The following ZNF831 variants were observed in gnomAD, a reference collection of about 807,000 sequenced individuals.
ZNF831 encodes zinc finger protein 831.
ZNF831 carries 59 observed loss-of-function variants against 95.8 expected under a neutral mutation model. The ratio of observed to expected loss-of-function variants is 0.62; its 90% CI spans 0.50 to 0.77. The LOEUF is 0.77. ZNF831 is among the 30% of genes least tolerant of loss of function. The pLI is 0.00. For synonymous variants in ZNF831, 961 were observed against 925.5 expected (o/e 1.04, Z -0.70); for missense variants, 2,205 against 2,164.0 (o/e 1.02, Z -0.38).
At chr20:59,248,659 G>T (rs962973227) in intron 4 of ZNF831, among the ~76,000 whole-genome samples, 1 of 152,202 alleles carries the variant, frequency 6.6e-6, no homozygotes, top group African/African-American at 2.4e-5. Flanking sequence ...TGAATTGAAT[G>T]AATTGCATGG....
In ZNF831 at chr20:59,208,333, G is replaced by A. The variant is rs938343565; in HGVS notation, c.4027+1277G>A. Among the ~76,000 whole-genome samples the A allele has an allele frequency of 3.3e-5, 5 of 152,030 alleles. No individual in the cohort carries two copies. Among genetic ancestry groups the A allele is most frequent in the African/African-American group, 1.2e-4 (5 of 41,392 alleles). ...CATGGAGGGCATCTCAGGGCTAAAT[G>A]CTGGTCTGTACCACCAGGACAAGAG... On this transcript the variant is annotated intron_variant, in intron 4 of 5. Coordinates refer to ENST00000371030, the MANE Select transcript of ZNF831 (RefSeq NM_178457.3). The surrounding 1 kb of genome is among the most constrained non-coding windows in gnomAD (Gnocchi z 4.2).
In ZNF831 at chr20:59,245,705, T is replaced by C. The variant is rs180738251; in HGVS notation, c.4028-7273T>C. On this transcript the variant is annotated intron_variant, in intron 4 of 5. Transcript: ENST00000371030. The stretch of plus-strand genomic sequence containing the variant: ...TTCCTCAGTCAATTTTGAAATAAAC[T>C]TTTCAAAGACTGTTCCTGGGCAGTT... Among the ~76,000 whole-genome samples, 56 of 152,338 alleles carry C rather than the reference T, an allele frequency of 3.7e-4. 1 individual carries two copies. The highest frequency in any genetic ancestry group is 1.3e-3 in the African/African-American group (54 of 41,576).
chr20:59,210,549 A>G (rs1444582294), intron 4 of ZNF831, among the ~76,000 whole-genome samples: 1 of 152,174 alleles, frequency 6.6e-6, no homozygotes, highest in African/African-American at 2.4e-5. Context: ...GTTCCATGGA[A>G]GTTGGCACCC....
chr20:59,251,801 A>G, intron 4 of ZNF831, among the ~76,000 whole-genome samples: 1 of 152,234 alleles, frequency 6.6e-6, no homozygotes, highest in East Asian at 1.9e-4. Flanking sequence ...AAAATTTTTA[A>G]AAAGCAAAAT....
intron 3 of ZNF831, among the ~76,000 whole-genome samples, chr20:59,204,417 C>T (rs1348860135): frequency 6.6e-6 from 1 of 152,208 alleles, no homozygotes; most frequent in Non-Finnish European, 1.5e-5. Context: ...CCACATGTGG[C>T]TGAGACTCTT....
chr20:59,188,967 A>G (rs1016277315), intron 1 of ZNF831, among the ~76,000 whole-genome samples: 1 of 152,174 alleles, frequency 6.6e-6, no homozygotes, highest in Non-Finnish European at 1.5e-5. Flanking sequence ...GATCACCCGA[A>G]GTCAGGAGTT....
intron 2 of ZNF831, among the ~76,000 whole-genome samples, chr20:59,158,051 A>G (rs770998782): frequency 1.3e-5 from 2 of 152,224 alleles, no homozygotes; most frequent in African/African-American, 2.4e-5. Flanking sequence ...TTCTCACTCT[A>G]TGATTAAAAG....
rs35330790 is a variant in ZNF831, at chr20:59,139,727, CTG to C, written c.-1424-6502_-1424-6501del. Among the ~76,000 whole-genome samples, 1,356 of 152,262 alleles carry C rather than the reference CTG, an allele frequency of 8.9e-3. 17 individuals carry two copies. Among genetic ancestry groups the C allele is most frequent in the African/African-American group, 0.031 (1,277 of 41,522 alleles). ...TGAAGTCAGAACCGAAGCAGAAAAA[CTG>C]TATATAATTTTAAAGAGTCCTCAAA... On this transcript the variant is annotated intron_variant, in intron 1 of 7. Coordinates refer to the ZNF831 transcript ENST00000637017.
intron 2 of ZNF831, among the ~76,000 whole-genome samples, chr20:59,155,782 G>T (rs1980503487): frequency 6.6e-6 from 1 of 152,192 alleles, no homozygotes; most frequent in Non-Finnish European, 1.5e-5. Flanking sequence ...GGAATGGTAA[G>T]AGATGGGTTG....
intron 2 of ZNF831, among the ~76,000 whole-genome samples, chr20:59,149,935 C>G (rs1192736197): frequency 6.6e-6 from 1 of 152,236 alleles, no homozygotes; most frequent in Non-Finnish European, 1.5e-5. Context: ...GGCTGGACCC[C>G]CATCCAACGC....
intron 4 of ZNF831, among the ~76,000 whole-genome samples, chr20:59,242,967 A>G (rs1240549372): frequency 6.6e-6 from 1 of 152,210 alleles, no homozygotes; most frequent in African/African-American, 2.4e-5. Flanking sequence ...TTACCACAAT[A>G]CCAATCATTG....
chr20:59,203,838 G>A (rs1237209485), intron 3 of ZNF831, among the ~76,000 whole-genome samples: 3 of 152,158 alleles, frequency 2.0e-5, no homozygotes, highest in African/African-American at 7.2e-5. Context: ...ATGGAAAAAC[G>A]CAGAAAATTC....
At chr20:59,140,279 C>T (rs1178396226) in intron 1 of ZNF831, among the ~76,000 whole-genome samples, 2 of 152,172 alleles carry the variant, frequency 1.3e-5, no homozygotes, top group African/African-American at 4.8e-5. Flanking sequence ...CTCATTTGGA[C>T]TCAGAGGCTA....
intron 1 of ZNF831, among the ~76,000 whole-genome samples, chr20:59,171,019 A>T (rs1254779241): frequency 6.6e-6 from 1 of 152,190 alleles, no homozygotes; most frequent in Non-Finnish European, 1.5e-5. Context: ...GAAGGAGCAG[A>T]TCCATGTGAA....
intron 1 of ZNF831, among the ~76,000 whole-genome samples, chr20:59,126,885 G>A (rs1356271491): frequency 6.6e-6 from 1 of 152,180 alleles, no homozygotes; most frequent in Non-Finnish European, 1.5e-5. Context: ...TTGGGCTGCA[G>A]GACCCGTTCC....
chr20:59,171,337 G>A (rs532512659), intron 1 of ZNF831, among the ~76,000 whole-genome samples: 1 of 152,362 alleles, frequency 6.6e-6, no homozygotes, highest in South Asian at 2.1e-4. Flanking sequence ...TTATCATACA[G>A]CATGTATTGA....
In ZNF831 at chr20:59,193,655, C is replaced by T. The variant is rs1313845229; in HGVS notation, c.2636C>T (p.Pro879Leu). 2 of 1,612,872 alleles carry T rather than the reference C, an allele frequency of 1.2e-6. No individual in the cohort carries two copies. The highest frequency in any genetic ancestry group is 2.7e-5 in the African/African-American group (2 of 74,932). Residue 879 changes from proline to leucine, a missense_variant, in exon 2 of 6, where the codon CCT becomes CTT. Coordinates refer to ENST00000371030, the MANE Select transcript of ZNF831 (RefSeq NM_178457.3). ...GAGAGTGCCAGGCAGGTGGGCGAGC[C>T]TCTGGAGTCCTCTGGAGCCTCCTTG... is the stretch of plus-strand genomic sequence containing the variant. ...SKESARQVGE[P>L]LESSGASLAA...
At position 59,194,087 on chromosome 20, in the gene ZNF831, G is replaced by T. The variant is rs773011283; in HGVS notation, c.3068G>T (p.Gly1023Val). The T allele has an allele frequency of 2.6e-6, 4 of 1,542,096 alleles. No individual in the cohort carries two copies. The highest frequency in any genetic ancestry group is 3.5e-6 in the Non-Finnish European group (4 of 1,144,802). Reference protein sequence around the residue: ...PQDGRKGAQLGGDKGDRMATS... With the variant: ...PQDGRKGAQLVGDKGDRMATS... Reference sequence around the variant, plus strand: ...GATGGGAGAAAAGGGGCACAGTTGGGGGGGGACAAGGGGGACAGGATGGCC... The same window carrying T: ...GATGGGAGAAAAGGGGCACAGTTGGTGGGGGACAAGGGGGACAGGATGGCC... Residue 1023 changes from glycine (G) to valine (V), a missense_variant, in exon 2 of 6, where the codon GGG (glycine) becomes GTG (valine). By Grantham distance (109) the Gly-to-Val change is moderately radical. Transcript: ENST00000371030.
intron 1 of ZNF831, among the ~76,000 whole-genome samples, chr20:59,170,253 T>C (rs1002941431): frequency 1.3e-5 from 2 of 152,180 alleles, no homozygotes; most frequent in African/African-American, 4.8e-5. Flanking sequence ...AATGCTCCTC[T>C]TTTCTAATGT....
Sources: gnomAD v4.1 joint callset for allele counts (sites outside exome capture counted in the v4.1 genomes callset) on GRCh38, gnomAD v4.1.1 for gene constraint, Gnocchi (gnomAD v3.1) non-coding constraint, MANE v1.5 for transcripts, NCBI Gene and HGNC (gene_info 2026-07-23, HGNC 2026-07-21) for gene names.